The following NUAK2 variants were observed in gnomAD, a reference collection of about 807,000 sequenced individuals.
NUAK2 encodes the protein NUAK family kinase 2, also known as NUAK family SNF1-like kinase 2.
NUAK2 carries 20 observed loss-of-function variants against 29.8 expected under a neutral mutation model. The ratio of observed to expected loss-of-function variants is 0.67; its 90% CI spans 0.47 to 0.98. NUAK2 has a LOEUF of 0.98. Among genes scored for constraint, NUAK2 ranks in the 50% least tolerant of loss-of-function variants. NUAK2 has a pLI of 0.00. For missense variants in NUAK2, 719 were observed against 834.5 expected (o/e 0.86, Z 1.71); for synonymous variants, 331 against 342.6 (o/e 0.97, Z 0.37).
In NUAK2 at chr1:205,321,554, T is replaced by C; in HGVS notation, c.75A>G (p.Glu25=). 1 of 1,613,760 alleles carries C rather than the reference T, an allele frequency of 6.2e-7. No homozygotes were observed. Among genetic ancestry groups the C allele is most frequent in the African/African-American group, 1.3e-5 (1 of 75,050 alleles). The change falls in exon 1 of 7, where the codon GAA becomes GAG. Residue 25 remains glutamate (E), a synonymous_variant. Transcript: ENST00000367157. The stretch of plus-strand genomic sequence containing the variant: ...GGGGCTTGGGCGACTTGATCAGCCC[T>C]TCCGCCAGCGGCCGGGCTAGCTCTG... The part of the protein sequence containing the change: ...SAAELARPLA[E]GLIKSPKPLM...
At position 205,304,315 on chromosome 1, in the gene NUAK2, C is replaced by T. The variant is rs35208615; in HGVS notation, c.1022G>A (p.Arg341His). The change falls in exon 7 of 7, where the codon CGC becomes CAC. Residue 341 changes from arginine to histidine, a missense_variant. By Grantham distance (29) the Arg-to-His change is conservative. Around this residue, in one of 3 missense-constraint regions of NUAK2, gnomAD observed 430 missense variants for 465.7 expected, o/e 0.92. Transcript: ENST00000367157. The surrounding 1 kb of genome is among the most constrained non-coding windows in gnomAD (Gnocchi z 6.5). ...SMADWLRRSS[R>H]PLLENGAKVC... is the part of the protein sequence containing the mutation. The stretch of plus-strand genomic sequence containing the variant: ...CTTGGCCCCATTCTCCAGGAGGGGG[C>T]GGGAGGAACGCCGGAGCCAGTCAGC... 4 of 1,609,658 alleles carry T rather than the reference C, an allele frequency of 2.5e-6. No individual in the cohort carries two copies. The highest frequency in any genetic ancestry group is 3.3e-5 in the Admixed American group (2 of 59,828).
chr1:205,321,384 G>GGAGCCGCA lies in NUAK2; in HGVS notation c.231+6_231+13dup. The GGAGCCGCA allele has an allele frequency of 6.2e-7, 1 of 1,601,500 alleles. No homozygotes were observed. Among genetic ancestry groups the GGAGCCGCA allele is most frequent in the Non-Finnish European group, 8.5e-7 (1 of 1,173,466 alleles). On this transcript the variant is annotated intron_variant, in intron 1 of 6. Coordinates refer to ENST00000367157, the MANE Select transcript of NUAK2 (RefSeq NM_030952.3). ...CGGAGCCCGCCCCGCGCCGCGAGAG[G>GGAGCCGCA]GAGCCGCACTCACCAGGCGCCCCGA...
At chr1:205,320,535 A>G (rs1375118722) in intron 1 of NUAK2, among the ~76,000 whole-genome samples, 1 of 152,194 alleles carries the variant, frequency 6.6e-6, no homozygotes, top group African/African-American at 2.4e-5. Context: ...CAGTGCTGGG[A>G]TTACAGGCGT....
In NUAK2 at chr1:205,308,553, A is replaced by T. The variant is rs769278426; in HGVS notation, c.504+28T>A. The T allele has an allele frequency of 6.2e-7, 1 of 1,604,968 alleles. No individual in the cohort carries two copies. The highest frequency in any genetic ancestry group is 1.1e-5 in the South Asian group (1 of 90,922). On this transcript the variant is annotated intron_variant, in intron 3 of 6. Coordinates refer to ENST00000367157, the MANE Select transcript of NUAK2 (RefSeq NM_030952.3). This position sits in a 1 kb window ranked among gnomAD's most constrained non-coding sequence, Gnocchi z 4.1. Reference sequence around the variant, plus strand: ...AGAGCCCTGGGGACCACCCACTGAGAATATGGCTGGAGCAGGTAGGTGCTC... The same window carrying T: ...AGAGCCCTGGGGACCACCCACTGAGTATATGGCTGGAGCAGGTAGGTGCTC...
chr1:205,309,230 G>T (rs1163192379), intron 2 of NUAK2, among the ~76,000 whole-genome samples: 2 of 152,166 alleles, frequency 1.3e-5, no homozygotes, highest in East Asian at 1.9e-4. Context: ...CAGGGCTGGG[G>T]TGAGAAATAT....
chr1:205,314,292 A>G (rs555943139), intron 1 of NUAK2, among the ~76,000 whole-genome samples: 96 of 152,278 alleles, frequency 6.3e-4, no homozygotes, highest in African/African-American at 2.2e-3. Flanking sequence ...AGGGAGGACA[A>G]TGGCAGGCGG....
chr1:205,305,878 A>C (rs1281315900), intron 5 of NUAK2, among the ~76,000 whole-genome samples: 1 of 152,054 alleles, frequency 6.6e-6, no homozygotes, highest in Non-Finnish European at 1.5e-5. Context: ...AGCCCCATTA[A>C]TTTTATATTT....
chr1:205,308,672 T>A lies in NUAK2; in HGVS notation c.413A>T (p.Tyr138Phe), dbSNP rs1432766317. ...CTGCTGCCGCTCGCTGATGTAGTCATAAAGGTCGCCCCGGCTGGCATACTC... is the reference window on the plus strand; with the variant it reads ...CTGCTGCCGCTCGCTGATGTAGTCAAAAAGGTCGCCCCGGCTGGCATACTC... ...VMEYASRGDL[Y>F]DYISERQQLS... The change falls in exon 3 of 7, where the codon TAT (tyrosine) becomes TTT (phenylalanine). Residue 138 changes from tyrosine to phenylalanine, a missense_variant. Transcript: ENST00000367157. This position sits in a 1 kb window ranked among gnomAD's most constrained non-coding sequence, Gnocchi z 4.1. The A allele has an allele frequency of 1.9e-6, 3 of 1,613,972 alleles. No individual in the cohort carries two copies. Among genetic ancestry groups the A allele is most frequent in the Non-Finnish European group, 2.5e-6 (3 of 1,180,032 alleles).
At position 205,304,654 on chromosome 1, in the gene NUAK2, A is replaced by T; in HGVS notation, c.824-141T>A. Reference sequence around the variant, plus strand: ...TGCGTCCCTTCCAACCTAGGGCTCTATACATGCCTTGGCCCAGGACAGCTC... The same window carrying T: ...TGCGTCCCTTCCAACCTAGGGCTCTTTACATGCCTTGGCCCAGGACAGCTC... On this transcript the variant is annotated intron_variant, in intron 6 of 6. Coordinates refer to ENST00000367157, the MANE Select transcript of NUAK2 (RefSeq NM_030952.3). This position sits in a 1 kb window ranked among gnomAD's most constrained non-coding sequence, Gnocchi z 6.5. 1.4e-6 allele frequency: 1 copy of T among 730,106 alleles called. No individual in the cohort carries two copies. The allele number at this position is 730,106 out of a possible 1,614,324, so 45.2% of individuals were successfully genotyped here.
rs750294930 is a variant in NUAK2, at chr1:205,308,591, T to C, written c.494A>G (p.Tyr165Cys). 12 of 1,613,542 alleles carry C rather than the reference T, an allele frequency of 7.4e-6. No individual in the cohort carries two copies. The East Asian group carries it at 2.0e-4, about 27-fold the overall frequency. The change falls in exon 3 of 7, where the codon TAT (tyrosine) becomes TGT (cysteine). Residue 165 changes from tyrosine (Y) to cysteine (C), a missense_variant. Physicochemically the swap from Tyr to Cys is radical, Grantham distance 194. This residue lies in a region of NUAK2 where 283 missense variants were observed against 345.6 expected (regional missense o/e 0.82). Transcript: ENST00000367157. This position sits in a 1 kb window ranked among gnomAD's most constrained non-coding sequence, Gnocchi z 4.1. ...CAGGTAGGTGCTCACCTGATGGCAA[T>C]AGTGCACGGCAGAGACGATCTGCCG... ...FFRQIVSAVH[Y>C]CHQNRVVHRD...
intron 1 of NUAK2, 32 bp downstream of exon 1, chr1:205,321,366 C>G: frequency 6.3e-7 from 1 of 1,577,472 alleles, no homozygotes; most frequent in Non-Finnish European, 8.6e-7. Context: ...AGCCGGAGCC[C>G]GCCCCGCGCC....
At chr1:205,320,251 T>TGTTTC (rs1553381516) in intron 1 of NUAK2, among the ~76,000 whole-genome samples, 19 of 151,008 alleles carry the variant, frequency 1.3e-4, no homozygotes, top group Non-Finnish European at 2.8e-4. Flanking sequence ...TTTTTTTGTT[T>TGTTTC]GTTTCGTTTT....
Position 205,321,423 on chromosome 1 carries a change from T to C in NUAK2, c.206A>G (p.Lys69Arg), listed in dbSNP as rs746081046. Residue 69 changes from lysine to arginine, a missense_variant, in exon 1 of 7, where the codon AAG becomes AGG. By Grantham distance (26) the Lys-to-Arg change is conservative. This residue lies in a region of NUAK2 where 283 missense variants were observed against 345.6 expected (regional missense o/e 0.82). Transcript: ENST00000367157. ...CAGGCGCCCCGAGCTCTCCCGCGCCTTCTTCACCTTCCCGTAGGTGCCTTT... is the reference window on the plus strand; with the variant it reads ...CAGGCGCCCCGAGCTCTCCCGCGCCCTCTTCACCTTCCCGTAGGTGCCTTT... ...LGKGTYGKVK[K>R]ARESSGRLVA... 34 of 1,613,758 alleles carry C rather than the reference T, an allele frequency of 2.1e-5. No homozygotes were observed. Among genetic ancestry groups the C allele is most frequent in the Non-Finnish European group, 2.7e-5 (32 of 1,179,854 alleles).
At position 205,304,644 on chromosome 1, in the gene NUAK2, C is replaced by T. The variant is rs1311586634; in HGVS notation, c.824-131G>A. The stretch of plus-strand genomic sequence containing the variant: ...CTGGGTCGGATGCGTCCCTTCCAAC[C>T]TAGGGCTCTATACATGCCTTGGCCC... On this transcript the variant is annotated intron_variant, in intron 6 of 6. Transcript: ENST00000367157. The surrounding 1 kb of genome is among the most constrained non-coding windows in gnomAD (Gnocchi z 6.5). 1 of 785,888 alleles carries T rather than the reference C, an allele frequency of 1.3e-6. No individual in the cohort carries two copies. Among genetic ancestry groups the T allele is most frequent in the Non-Finnish European group, 2.0e-6 (1 of 503,258 alleles). The allele number at this position is 785,888 out of a possible 1,614,324, so 48.7% of individuals were successfully genotyped here. A position where few individuals can be genotyped will look rare whatever the true frequency, so the allele number is the denominator to read the frequency against.
At position 205,303,623 on chromosome 1, in the gene NUAK2, C is replaced by A; in HGVS notation, c.1714G>T (p.Val572Leu). The change falls in exon 7 of 7, where the codon GTG becomes TTG. Residue 572 changes from valine (V) to leucine (L), a missense_variant. Transcript: ENST00000367157. ...RLPEPPLRGC[V>L]SVDNLTGLEE... ...AGCCCCGTGAGGTTGTCCACAGACA[C>A]ACAGCCCCGCAGTGGGGGCTCTGGG... The A allele has an allele frequency of 1.9e-6, 3 of 1,605,198 alleles. No homozygotes were observed. The African/African-American group carries it at 4.0e-5, about 22-fold the overall frequency.
chr1:205,311,966 G>A (rs775645083), intron 1 of NUAK2, 141 bp from the exon 2 acceptor site: 56 of 1,098,610 alleles, frequency 5.1e-5, no homozygotes, highest in Non-Finnish European at 6.4e-5. Context: ...CACCAGTGTA[G>A]GTGGCAGAGA....
At chr1:205,314,139 C>T (rs1021428743) in intron 1 of NUAK2, among the ~76,000 whole-genome samples, 1 of 152,228 alleles carries the variant, frequency 6.6e-6, no homozygotes, top group Non-Finnish European at 1.5e-5. Flanking sequence ...GCCCTAATCC[C>T]GTAAGAGGAG....
At chr1:205,318,783 G>A (rs1331819687) in intron 1 of NUAK2, among the ~76,000 whole-genome samples, 1 of 152,250 alleles carries the variant, frequency 6.6e-6, no homozygotes, top group Non-Finnish European at 1.5e-5. Context: ...ATGTATTGAA[G>A]AGCCAGAGCA....
chr1:205,316,960 G>T (rs145935718), intron 1 of NUAK2, among the ~76,000 whole-genome samples: 45 of 152,328 alleles, frequency 3.0e-4, no homozygotes, highest in African/African-American at 9.6e-4. Context: ...CAGGACTGAA[G>T]ATGGAAGGAT....
Sources: gnomAD v4.1 joint callset for allele counts (sites outside exome capture counted in the v4.1 genomes callset) on GRCh38, gnomAD v4.1.1 for gene constraint, gnomAD v4.1.1 regional missense constraint, Gnocchi (gnomAD v3.1) non-coding constraint, MANE v1.5 for transcripts, NCBI Gene and HGNC (gene_info 2026-07-23, HGNC 2026-07-21) for gene names.